The following SRR variants were observed in gnomAD, a reference collection of about 807,000 sequenced individuals.
SRR encodes the protein serine racemase, also known as D-serine ammonia-lyase.
SRR carries 19 observed loss-of-function variants against 32.7 expected under a neutral mutation model. The ratio of observed to expected loss-of-function variants is 0.58; its 90% CI spans 0.40 to 0.85. The LOEUF is 0.85. SRR is among the 40% of genes least tolerant of loss of function. The pLI is 0.00. For synonymous variants in SRR, 142 were observed against 140.9 expected (o/e 1.01, Z -0.06); for missense variants, 373 against 404.7 (o/e 0.92, Z 0.67).
intron 2 of SRR, among the ~76,000 whole-genome samples, chr17:2,317,663 G>A (rs2075487670): frequency 6.6e-6 from 1 of 152,070 alleles, no homozygotes; most frequent in African/African-American, 2.4e-5. Context: ...AGCCGAGATC[G>A]TGGCACTGCA....
chr17:2,305,498 T>TA (rs1158873008), intron 1 of SRR, among the ~76,000 whole-genome samples: 1 of 152,076 alleles, frequency 6.6e-6, no homozygotes, highest in Non-Finnish European at 1.5e-5. Context: ...AAAAAATTAA[T>TA]AATTAAATAC....
upstream of SRR, chr17:2,303,798 C>G (rs1181660939): frequency 1.6e-6 from 2 of 1,228,902 alleles, no homozygotes; most frequent in East Asian, 3.1e-5. Flanking sequence ...ACGGGCGGCG[C>G]GCGCGCTCGC....
intron 1 of SRR, chr17:2,307,783 CA>C: frequency 1.3e-6 from 1 of 785,838 alleles, no homozygotes; most frequent in Non-Finnish European, 2.2e-6. Context: ...CAGGTTACAA[CA>C]GATTTGTGAA....
At chr17:2,323,410 C>A in intron 7 of SRR, 65 bp downstream of exon 7, 1 of 1,585,116 alleles carries the variant, frequency 6.3e-7, no homozygotes, top group Non-Finnish European at 8.6e-7. Context: ...AAGAAACTTC[C>A]CTTAGGAGTA....
chr17:2,309,111 T>TC (rs879536682), intron 1 of SRR, among the ~76,000 whole-genome samples: 55 of 152,154 alleles, frequency 3.6e-4, no homozygotes, highest in Non-Finnish European at 5.0e-4. Flanking sequence ...AGAGCGAAAC[T>TC]CCATCTCAAA....
intron 1 of SRR, among the ~76,000 whole-genome samples, chr17:2,305,274 T>G (rs1231149727): frequency 6.6e-6 from 1 of 152,216 alleles, no homozygotes; most frequent in African/African-American, 2.4e-5. Context: ...GAGAGGCCAT[T>G]GCATGATTTC....
Position 2,324,003 on chromosome 17 carries a change from T to G in SRR, c.*130T>G. Reference sequence around the variant, plus strand: ...GCTATTTCATTAAGATTTAATAGTTTTTTTTGGACTAAGTAGTGGAAAAAC... The same window carrying G: ...GCTATTTCATTAAGATTTAATAGTTGTTTTTGGACTAAGTAGTGGAAAAAC... On this transcript the variant is annotated 3_prime_UTR_variant, in exon 8 of 8. Transcript: ENST00000344595. 1 of 1,158,272 alleles carries G rather than the reference T, an allele frequency of 8.6e-7. No homozygotes were observed. The highest frequency in any genetic ancestry group is 1.6e-5 in the South Asian group (1 of 63,134). The allele number at this position is 1,158,272 out of a possible 1,614,324, so 71.7% of individuals were successfully genotyped here.
intron 6 of SRR, among the ~76,000 whole-genome samples, chr17:2,321,837 G>T (rs111757440): frequency 6.6e-5 from 10 of 152,318 alleles, no homozygotes; most frequent in African/African-American, 2.2e-4. Context: ...GAGTGCAGTG[G>T]CACGATCCTG....
At chr17:2,311,801 A>G (rs1247554822) in intron 1 of SRR, among the ~76,000 whole-genome samples, 1 of 152,232 alleles carries the variant, frequency 6.6e-6, no homozygotes, top group Non-Finnish European at 1.5e-5. Flanking sequence ...ATATAATAGG[A>G]AAAGACATTG....
intron 1 of SRR, chr17:2,307,749 G>A: frequency 1.1e-6 from 1 of 891,934 alleles, no homozygotes; most frequent in Non-Finnish European, 1.8e-6. Flanking sequence ...TGAGAGGAGA[G>A]CCAGCGAAGT....
intron 1 of SRR, among the ~76,000 whole-genome samples, chr17:2,309,412 G>A (rs1407639881): frequency 1.3e-5 from 2 of 152,030 alleles, no homozygotes; most frequent in East Asian, 3.8e-4. Flanking sequence ...CCACTCAAAA[G>A]TACTTTTTTC....
Position 2,324,568 on chromosome 17 carries a change from C to T in SRR, c.*695C>T. On this transcript the variant is annotated 3_prime_UTR_variant, in exon 8 of 8. Transcript: ENST00000344595. ...TTCTCAGTTCCACTGGTTTAAACCACAGCACATCCTCTTAGAATCAAACAC... is the reference window on the plus strand; with the variant it reads ...TTCTCAGTTCCACTGGTTTAAACCATAGCACATCCTCTTAGAATCAAACAC... 2 of 1,614,194 alleles carry T rather than the reference C, an allele frequency of 1.2e-6. No individual in the cohort carries two copies. Among genetic ancestry groups the T allele is most frequent in the Non-Finnish European group, 1.7e-6 (2 of 1,180,036 alleles).
chr17:2,322,077 G>A (rs751520581), intron 6 of SRR, among the ~76,000 whole-genome samples: 12 of 151,934 alleles, frequency 7.9e-5, no homozygotes, highest in Admixed American at 5.2e-4. Context: ...CACTGCGCCC[G>A]GCCTATTTAT....
intron 1 of SRR, among the ~76,000 whole-genome samples, chr17:2,312,906 G>C (rs2075443542): frequency 6.6e-6 from 1 of 152,104 alleles, no homozygotes. Flanking sequence ...ATGTTCATTT[G>C]AGCTATGTAA....
intron 4 of SRR, among the ~76,000 whole-genome samples, chr17:2,320,096 G>A (rs897368143): frequency 4.6e-5 from 7 of 151,812 alleles, no homozygotes; most frequent in African/African-American, 9.7e-5. Flanking sequence ...GGGATTACAG[G>A]CGTGAGCCAC....
chr17:2,308,711 C>A (rs555077157), intron 1 of SRR, among the ~76,000 whole-genome samples: 206 of 152,242 alleles, frequency 1.4e-3, no homozygotes, highest in Non-Finnish European at 2.3e-3. Flanking sequence ...ATCTCAGCTA[C>A]TTGGGAGGCT....
At chr17:2,307,292 G>A in intron 1 of SRR, 1 of 1,116,660 alleles carries the variant, frequency 9.0e-7, no homozygotes, top group Non-Finnish European at 1.3e-6. Flanking sequence ...TGTGAAATTA[G>A]GAAAGGCCTG....
chr17:2,321,290 A>G lies in SRR; in HGVS notation c.400-16A>G. On this transcript the variant is annotated splice_polypyrimidine_tract_variant and intron_variant, in intron 4 of 7. Transcript: ENST00000344595. Reference sequence around the variant, plus strand: ...ATTAAATACAAATCAATTAAGCTAAATTAATGTACTTTCAGTCCAGAGAAA... The same window carrying G: ...ATTAAATACAAATCAATTAAGCTAAGTTAATGTACTTTCAGTCCAGAGAAA... The G allele has an allele frequency of 5.0e-6, 8 of 1,612,870 alleles. No homozygotes were observed. The highest frequency in any genetic ancestry group is 5.9e-6 in the Non-Finnish European group (7 of 1,179,792).
chr17:2,306,929 T>G, intron 1 of SRR: 1 of 1,079,644 alleles, frequency 9.3e-7, no homozygotes, highest in South Asian at 1.2e-5. Context: ...TCCAGGGGCT[T>G]TGGATTTGCC....
Sources: gnomAD v4.1 joint callset for allele counts (sites outside exome capture counted in the v4.1 genomes callset) on GRCh38, gnomAD v4.1.1 for gene constraint, MANE v1.5 for transcripts, NCBI Gene and HGNC (gene_info 2026-07-23, HGNC 2026-07-21) for gene names.